HOXC11: variants seen among roughly 807,000 people sequenced by gnomAD.
HOXC11 encodes homeobox protein Hox-C11.
In HOXC11, 17 loss-of-function variants were observed where a neutral mutation model predicts 23.6. The observed-to-expected ratio is 0.72, with a 90% CI of 0.49 to 1.08. HOXC11 has a LOEUF of 1.08. Ranked by LOEUF, HOXC11 falls within the 50% of genes least tolerant of loss-of-function variation. The pLI is 0.00. For missense variants in HOXC11, 413 were observed against 412.1 expected (o/e 1.00, Z -0.02); for synonymous variants, 196 against 183.8 (o/e 1.07, Z -0.54).
rs745841501 is a variant in HOXC11, at chr12:53,973,357, A to G, written c.116A>G (p.Tyr39Cys). ...ASNLYLPSCT[Y>C]YMPEFSTVSS... The stretch of plus-strand genomic sequence containing the variant: ...AACCTCTATCTGCCCAGTTGCACTT[A>G]CTACATGCCCGAGTTCTCCACGGTC... The change falls in exon 1 of 2, where the codon TAC becomes TGC. Residue 39 changes from tyrosine (Y) to cysteine (C), a missense_variant. Tyr to Cys is a radical substitution (Grantham distance 194). Transcript: ENST00000546378. The surrounding 1 kb of genome is among the most constrained non-coding windows in gnomAD (Gnocchi z 4.3). 3.1e-6 allele frequency: 5 copies of G among 1,612,248 alleles called. No individual in the cohort carries two copies. The South Asian group carries it at 4.4e-5, about 14-fold the overall frequency.
intron 1 of HOXC11, among the ~76,000 whole-genome samples, chr12:53,974,201 G>A (rs1223482976): frequency 6.6e-6 from 1 of 152,050 alleles, no homozygotes; most frequent in East Asian, 1.9e-4. Context: ...TATCTCCCTC[G>A]GTCTGTGAAA....
Position 53,975,587 on chromosome 12 carries a change from C to G in HOXC11, c.*174C>G, listed in dbSNP as rs1306973105. The G allele has an allele frequency of 3.0e-6, 2 of 663,640 alleles. No homozygotes were observed. Among genetic ancestry groups the G allele is most frequent in the Non-Finnish European group, 5.4e-6 (2 of 372,720 alleles). The allele number at this position is 663,640 out of a possible 1,614,324, so 41.1% of individuals were successfully genotyped here. A position where few individuals can be genotyped will look rare whatever the true frequency, so the allele number is the denominator to read the frequency against. On this transcript the variant is annotated 3_prime_UTR_variant, in exon 2 of 2. Coordinates refer to ENST00000546378, the MANE Select transcript of HOXC11 (RefSeq NM_014212.4). ...TTCCGGAACCTCCTGGACCCTCTAT[C>G]TGACTCTCGCTGTGGGACAGGGACC...
rs1382078313 is a variant in HOXC11, at chr12:53,976,825, AG to A, written c.*1413del. ...TCTGCCAGATGTCTCCGTCTGTCGC[AG>A]TTAAATGTGTAGTGTGGAGGTTAGG... On this transcript the variant is annotated 3_prime_UTR_variant, in exon 2 of 2. Transcript: ENST00000546378. The A allele has an allele frequency of 6.6e-6, 1 of 150,834 alleles. No individual in the cohort carries two copies. The highest frequency in any genetic ancestry group is 1.5e-5 in the Non-Finnish European group (1 of 67,892). 9.3% of individuals were successfully genotyped at this position (150,834 alleles called of 1,614,324 possible). A position where few individuals can be genotyped will look rare whatever the true frequency, so the allele number is the denominator to read the frequency against.
At chr12:53,975,007 G>A (rs1939230175) in intron 1 of HOXC11, 174 bp from the exon 2 acceptor site, 3 of 574,378 alleles carry the variant, frequency 5.2e-6, no homozygotes, top group East Asian at 3.0e-5. Flanking sequence ...GACCTGGCAG[G>A]GGGTCGAGGC....
intron 1 of HOXC11, among the ~76,000 whole-genome samples, chr12:53,974,675 G>C (rs955879831): frequency 1.7e-4 from 26 of 151,544 alleles, no homozygotes; most frequent in Admixed American, 9.8e-4. Flanking sequence ...CGGGGCGCCA[G>C]GGCCCCGGAA....
At position 53,973,186 on chromosome 12, in the gene HOXC11, C is replaced by A; in HGVS notation, c.-56C>A. 7.0e-7 allele frequency: 1 copy of A among 1,424,840 alleles called. No individual in the cohort carries two copies. The highest frequency in any genetic ancestry group is 1.4e-5 in the South Asian group (1 of 73,104). 88.3% of individuals were successfully genotyped at this position (1,424,840 alleles called of 1,614,324 possible). On this transcript the variant is annotated 5_prime_UTR_variant, in exon 1 of 2. Coordinates refer to ENST00000546378, the MANE Select transcript of HOXC11 (RefSeq NM_014212.4). This position sits in a 1 kb window ranked among gnomAD's most constrained non-coding sequence, Gnocchi z 4.3. The stretch of plus-strand genomic sequence containing the variant: ...GTCATCTCGCCTTCCCAAATTTTCC[C>A]CCCTCGCTAGACCGGGTCCAAAACC...
chr12:53,974,425 G>A (rs1284413514), intron 1 of HOXC11, among the ~76,000 whole-genome samples: 1 of 152,082 alleles, frequency 6.6e-6, no homozygotes, highest in Non-Finnish European at 1.5e-5. Flanking sequence ...AGACCGGAGA[G>A]GCAAGCCAGG....
chr12:53,975,793 G>A lies in HOXC11; in HGVS notation c.*380G>A, dbSNP rs1294612142. On this transcript the variant is annotated 3_prime_UTR_variant, in exon 2 of 2. Coordinates refer to ENST00000546378, the MANE Select transcript of HOXC11 (RefSeq NM_014212.4). ...GAGCCGAACAATCCTCGAACTAAAAGCCTTCCCTTGCCCATGTGAAAAGAT... is the reference window on the plus strand; with the variant it reads ...GAGCCGAACAATCCTCGAACTAAAAACCTTCCCTTGCCCATGTGAAAAGAT... The A allele has an allele frequency of 4.3e-6, 2 of 468,926 alleles. No homozygotes were observed. The highest frequency in any genetic ancestry group is 3.9e-5 in the Admixed American group (1 of 25,782). The allele number at this position is 468,926 out of a possible 1,614,324, so 29.0% of individuals were successfully genotyped here. A position where few individuals can be genotyped will look rare whatever the true frequency, so the allele number is the denominator to read the frequency against.
At chr12:53,974,831 G>A in intron 1 of HOXC11, 1 of 220,936 alleles carries the variant, frequency 4.5e-6, no homozygotes, top group Non-Finnish European at 8.8e-6. Flanking sequence ...CCACTAGGAG[G>A]GCGGCCCAGG....
At position 53,973,717 on chromosome 12, in the gene HOXC11, A is replaced by G; in HGVS notation, c.476A>G (p.Tyr159Cys). ...QAFDRFFDNA[Y>C]CGGGDPPAEP... ...TTCGACCGTTTCTTCGACAACGCCT[A>G]CTGCGGTGGCGGCGACCCGCCCGCC... The change falls in exon 1 of 2, where the codon TAC becomes TGC. Residue 159 changes from tyrosine to cysteine, a missense_variant. Transcript: ENST00000546378. The surrounding 1 kb of genome is among the most constrained non-coding windows in gnomAD (Gnocchi z 4.3). 6.2e-7 allele frequency: 1 copy of G among 1,613,118 alleles called. No homozygotes were observed. Among genetic ancestry groups the G allele is most frequent in the Non-Finnish European group, 8.5e-7 (1 of 1,179,910 alleles).
Position 53,973,884 on chromosome 12 carries a change from C to G in HOXC11, c.643C>G (p.His215Asp). Residue 215 changes from histidine to aspartate, a missense_variant, in exon 1 of 2, where the codon CAC (histidine) becomes GAC (aspartate). His to Asp is a moderately conservative substitution (Grantham distance 81). Coordinates refer to ENST00000546378, the MANE Select transcript of HOXC11 (RefSeq NM_014212.4). The surrounding 1 kb of genome is among the most constrained non-coding windows in gnomAD (Gnocchi z 4.3). ...AAATCCCAGCTCGTCCGGTTCAGCC[C>G]ACTCCGTGGCCAAGGAGCCGGCCAA... Reference protein sequence around the residue: ...NTNPSSSGSAHSVAKEPAKGA... With the variant: ...NTNPSSSGSADSVAKEPAKGA... 7.6e-6 allele frequency: 11 copies of G among 1,453,402 alleles called. No homozygotes were observed. The highest frequency in any genetic ancestry group is 1.0e-5 in the Non-Finnish European group (11 of 1,102,410). 90.0% of individuals were successfully genotyped at this position (1,453,402 alleles called of 1,614,324 possible). A position where few individuals can be genotyped will look rare whatever the true frequency, so the allele number is the denominator to read the frequency against.
In HOXC11 at chr12:53,973,447, C is replaced by G. The variant is rs764327229; in HGVS notation, c.206C>G (p.Pro69Arg). The G allele has an allele frequency of 2.5e-6, 4 of 1,614,192 alleles. No homozygotes were observed. Among genetic ancestry groups the G allele is most frequent in the Admixed American group, 3.3e-5 (2 of 60,032 alleles). The change falls in exon 1 of 2, where the codon CCG (proline) becomes CGG (arginine). Residue 69 changes from proline to arginine, a missense_variant. Transcript: ENST00000546378. The surrounding 1 kb of genome is among the most constrained non-coding windows in gnomAD (Gnocchi z 4.3). ...TATCCCTACTCGGCCCAAGTGCCCC[C>G]GGTCCGGGAGGTCTCCTACGGCCTG... ...ISYPYSAQVP[P>R]VREVSYGLEP...
At position 53,973,344 on chromosome 12, in the gene HOXC11, C is replaced by T. The variant is rs1438048887; in HGVS notation, c.103C>T (p.Pro35Ser). The T allele has an allele frequency of 3.1e-6, 5 of 1,612,968 alleles. No individual in the cohort carries two copies. The highest frequency in any genetic ancestry group is 4.2e-6 in the Non-Finnish European group (5 of 1,179,718). The change falls in exon 1 of 2, where the codon CCC becomes TCC. Residue 35 changes from proline to serine, a missense_variant. Pro to Ser is a moderately conservative substitution (Grantham distance 74, BLOSUM62 -1). Transcript: ENST00000546378. The surrounding 1 kb of genome is among the most constrained non-coding windows in gnomAD (Gnocchi z 4.3). ...RGSCASNLYL[P>S]SCTYYMPEFS... ...GAGCTGCGCCTCCAACCTCTATCTG[C>T]CCAGTTGCACTTACTACATGCCCGA...
chr12:53,974,238 G>A (rs567135267), intron 1 of HOXC11, among the ~76,000 whole-genome samples: 14 of 147,936 alleles, frequency 9.5e-5, no homozygotes, highest in African/African-American at 3.4e-4. Context: ...CATTGCGGGC[G>A]ATATTAACTT....
rs746841653 is a variant in HOXC11 at position 53,976,646 on chromosome 12, A to G, written c.*1233A>G. 2.5e-5 allele frequency: 4 copies of G among 156,924 alleles called. No homozygotes were observed. The highest frequency in any genetic ancestry group is 4.2e-5 in the Non-Finnish European group (3 of 70,732). 9.7% of individuals were successfully genotyped at this position (156,924 alleles called of 1,614,324 possible). On this transcript the variant is annotated 3_prime_UTR_variant, in exon 2 of 2. Transcript: ENST00000546378. The stretch of plus-strand genomic sequence containing the variant: ...CACATTCTCAAGCTGAGGACATTCC[A>G]TAGCTACTCTGAAGCTCTCCTTTCT...
rs888599073 is a variant in HOXC11 at position 53,977,100 on chromosome 12, G to A, written c.*1687G>A. 3.3e-5 allele frequency: 5 copies of A among 152,228 alleles called. No homozygotes were observed. The highest frequency in any genetic ancestry group is 7.2e-5 in the African/African-American group (3 of 41,436). 9.4% of individuals were successfully genotyped at this position (152,228 alleles called of 1,614,324 possible). A position where few individuals can be genotyped will look rare whatever the true frequency, so the allele number is the denominator to read the frequency against. ...GGGTGTCCCACAGTAGAAAGCCCCAGAGGTTTGTTTTGTAGGGGTTGGCAC... is the reference window on the plus strand; with the variant it reads ...GGGTGTCCCACAGTAGAAAGCCCCAAAGGTTTGTTTTGTAGGGGTTGGCAC... On this transcript the variant is annotated 3_prime_UTR_variant, in exon 2 of 2. Coordinates refer to ENST00000546378, the MANE Select transcript of HOXC11 (RefSeq NM_014212.4).
At chr12:53,975,075 G>T (rs980332760) in intron 1 of HOXC11, 106 bp from the exon 2 acceptor site, 2 of 609,756 alleles carry the variant, frequency 3.3e-6, no homozygotes, top group Admixed American at 6.0e-5. Flanking sequence ...GCTGCCCGCG[G>T]TGGGCTAGGA....
chr12:53,974,539 G>A (rs1939214407), intron 1 of HOXC11, among the ~76,000 whole-genome samples: 2 of 152,170 alleles, frequency 1.3e-5, no homozygotes, highest in South Asian at 4.1e-4. Flanking sequence ...CGGCGACAGG[G>A]GAATGGGGCG....
Position 53,977,082 on chromosome 12 carries a change from C to T in HOXC11, c.*1669C>T, listed in dbSNP as rs1939275143. ...CCCTGATGTTTATACATTGGGTGTC[C>T]CACAGTAGAAAGCCCCAGAGGTTTG... On this transcript the variant is annotated 3_prime_UTR_variant, in exon 2 of 2. Coordinates refer to ENST00000546378, the MANE Select transcript of HOXC11 (RefSeq NM_014212.4). 1 of 152,092 alleles carries T rather than the reference C, an allele frequency of 6.6e-6. No individual in the cohort carries two copies. The highest frequency in any genetic ancestry group is 2.4e-5 in the African/African-American group (1 of 41,386). 9.4% of individuals were successfully genotyped at this position (152,092 alleles called of 1,614,324 possible).
Sources: allele counts gnomAD v4.1 joint callset (sites outside exome capture counted in the v4.1 genomes callset), GRCh38; gene constraint gnomAD v4.1.1; non-coding constraint Gnocchi (gnomAD v3.1); transcripts MANE v1.5; gene names NCBI Gene and HGNC (gene_info 2026-07-23, HGNC 2026-07-21).